The following MYH4 variants were observed in gnomAD, a reference collection of about 807,000 sequenced individuals.
The protein encoded by MYH4 is myosin-4.
Under a neutral mutation model 229.9 loss-of-function variants are expected in MYH4, and 200 were observed. That is an observed-to-expected ratio of 0.87 (90% CI 0.78 to 0.98). The LOEUF (loss-of-function observed/expected upper bound fraction) is 0.98, where lower values mean the gene tolerates loss of function less well. MYH4 is among the 50% of genes least tolerant of loss of function. The pLI, the probability that MYH4 is intolerant of heterozygous loss-of-function variation, is 0.00. For synonymous variants in MYH4, 761 were observed against 834.6 expected, an observed-to-expected ratio of 0.91 and a Z score of 1.52; for missense variants, 2,148 against 2,332.6, an observed-to-expected ratio of 0.92 and a Z score of 1.63.
At chr17:10,453,430 A>G in intron 23 of MYH4, 102 bp from the exon 24 acceptor site, 1 of 1,589,166 alleles carries the variant, frequency 6.3e-7, no homozygotes, top group Non-Finnish European at 8.6e-7. Flanking sequence ...GTAAGATGGA[A>G]AATGAGAACC....
chr17:10,456,962 A>C (rs1291585206), intron 16 of MYH4, among the ~76,000 whole-genome samples: 1 of 152,248 alleles, frequency 6.6e-6, no homozygotes, highest in African/African-American at 2.4e-5. Flanking sequence ...GCTCACCTGC[A>C]GGGAAATCCT....
chr17:10,468,258 G>A (rs2072787959), intron 2 of MYH4, among the ~76,000 whole-genome samples: 1 of 152,158 alleles, frequency 6.6e-6, no homozygotes, highest in Non-Finnish European at 1.5e-5. Context: ...CTATAATGCA[G>A]TGTATCCAGG....
At chr17:10,461,855 T>G (rs759648483) in intron 11 of MYH4, among the ~76,000 whole-genome samples, 2 of 152,184 alleles carry the variant, frequency 1.3e-5, no homozygotes, top group African/African-American at 4.8e-5. Flanking sequence ...CATTCTTACC[T>G]AAGACTCTTT....
chr17:10,445,207 G>A (rs368276685), intron 36 of MYH4, 30 bp downstream of exon 36: 30 of 1,614,044 alleles, frequency 1.9e-5, no homozygotes, highest in Non-Finnish European at 2.5e-5. Flanking sequence ...GCATGCATGT[G>A]TCAGTAAGAC....
chr17:10,456,338 A>G (rs2072637900), intron 17 of MYH4, 147 bp downstream of exon 17: 1 of 633,834 alleles, frequency 1.6e-6, no homozygotes, highest in Non-Finnish European at 2.6e-6. Context: ...CCATTTAAAA[A>G]GTTTACAAAA....
In MYH4 at chr17:10,444,991, C is replaced by T. The variant is rs968999719; in HGVS notation, c.5451G>A (p.Gln1817=). 3 of 1,614,140 alleles carry T rather than the reference C, an allele frequency of 1.9e-6. No homozygotes were observed. Among genetic ancestry groups the T allele is most frequent in the Non-Finnish European group, 1.7e-6 (2 of 1,180,010 alleles). Residue 1817 remains glutamine (Q), a synonymous_variant, in exon 37 of 40, where the codon CAG becomes CAA. Coordinates refer to ENST00000255381, the MANE Select transcript of MYH4 (RefSeq NM_017533.2). Reference sequence around the variant, plus strand: ...GGAGACCTACCCTGGCCTCCAGTTTCTGGATCTGCTTCTTCCCACCCTTCA... The same window carrying T: ...GGAGACCTACCCTGGCCTCCAGTTTTTGGATCTGCTTCTTCCCACCCTTCA... ...LALKGGKKQI[Q]KLEARVRELE...
At chr17:10,453,559 A>C in intron 23 of MYH4, 84 bp downstream of exon 23, 1 of 1,597,680 alleles carries the variant, frequency 6.3e-7, no homozygotes. Flanking sequence ...TTTTATATTC[A>C]ATCATCTTAA....
intron 35 of MYH4, among the ~76,000 whole-genome samples, chr17:10,446,280 T>C: frequency 6.6e-6 from 1 of 152,124 alleles, no homozygotes; most frequent in Non-Finnish European, 1.5e-5. Flanking sequence ...TAAAAGATAG[T>C]AGAACATACA....
chr17:10,452,039 G>A lies in MYH4; in HGVS notation c.3640C>T (p.Leu1214Phe). Residue 1214 changes from leucine to phenylalanine, a missense_variant, in exon 27 of 40, where the codon CTT becomes TTT. Coordinates refer to ENST00000255381, the MANE Select transcript of MYH4 (RefSeq NM_017533.2). ...VAELGEQIDS[L>F]QRVKQKLEKE... ...TCCAGCTTCTGCTTGACCCGCTGAA[G>A]GCTGTCAATCTGCTCCCCAAGCTCA... 3 of 1,613,834 alleles carry A rather than the reference G, an allele frequency of 1.9e-6. No individual in the cohort carries two copies. Among genetic ancestry groups the A allele is most frequent in the Non-Finnish European group, 2.5e-6 (3 of 1,179,924 alleles).
chr17:10,457,114 A>G (rs2072648310), intron 16 of MYH4, among the ~76,000 whole-genome samples: 1 of 152,232 alleles, frequency 6.6e-6, no homozygotes, highest in Non-Finnish European at 1.5e-5. Flanking sequence ...GAACCTTGAA[A>G]GAACCAATAC....
chr17:10,463,497 A>G, intron 8 of MYH4, 54 bp downstream of exon 8: 1 of 1,577,804 alleles, frequency 6.3e-7, no homozygotes, highest in Non-Finnish European at 8.7e-7. Context: ...TTGACACCAC[A>G]TGCACACAAG....
At position 10,462,909 on chromosome 17, in the gene MYH4, TA is replaced by T; in HGVS notation, c.963del (p.Thr322LeufsTer11). ...YDFAFVSQGE[I>X]TVPSIDDQEE... is the part of the protein sequence containing the mutation. ...TCCTGGTCATCAATGCTGGGCACAG[TA>T]ATTTCCCCTTGGCTGACAAATGCGA... On this transcript the variant is annotated frameshift_variant, in exon 11 of 40. Transcript: ENST00000255381. LOFTEE classifies it high-confidence loss of function. 1 of 1,614,138 alleles carries T rather than the reference TA, an allele frequency of 6.2e-7. No individual in the cohort carries two copies. Among genetic ancestry groups the T allele is most frequent in the Non-Finnish European group, 8.5e-7 (1 of 1,179,966 alleles).
chr17:10,454,895 C>T, intron 21 of MYH4, 46 bp downstream of exon 21: 1 of 1,611,382 alleles, frequency 6.2e-7, no homozygotes, highest in East Asian at 2.2e-5. Flanking sequence ...GCAGTGGATT[C>T]ATTTATGAAA....
rs759994794 is a variant in MYH4, at chr17:10,453,881, GCTT to G, written c.2693_2695del (p.Glu898del). 2.5e-6 allele frequency: 4 copies of G among 1,613,734 alleles called. No individual in the cohort carries two copies. The highest frequency in any genetic ancestry group is 3.4e-6 in the Non-Finnish European group (4 of 1,179,866). ...TTCCTCTGCATCAGCCAAGGCATCT[GCTT>G]CCTAAAGGGAGAAATTAAGCATTTT... On this transcript the variant is annotated inframe_deletion and splice_region_variant, in exon 23 of 40. Transcript: ENST00000255381.
At chr17:10,451,802 A>C (rs186345769) in intron 27 of MYH4, 139 bp downstream of exon 27, 3 of 1,094,310 alleles carry the variant, frequency 2.7e-6, no homozygotes, top group Admixed American at 5.0e-5. Context: ...GATTCAATAC[A>C]ATAATGTGTA....
rs2072653244 is a variant in MYH4, at chr17:10,457,421, T to G, written c.1896A>C (p.Ala632=). 6.3e-7 allele frequency: 1 copy of G among 1,597,862 alleles called. No homozygotes were observed. The highest frequency in any genetic ancestry group is 8.5e-7 in the Non-Finnish European group (1 of 1,170,956). The stretch of plus-strand genomic sequence containing the variant: ...CATATTAGTGCTATTAAACATGACC[T>G]GCTTCAGCAGTTTGTGCCCCAGAGA... ...FLFSGAQTAE[A]EGGGGKKGGK... The change falls in exon 16 of 40, where the codon GCA becomes GCC. Residue 632 remains alanine, a splice_region_variant and synonymous_variant. Transcript: ENST00000255381.
In MYH4 at chr17:10,447,020, T is replaced by G; in HGVS notation, c.5162A>C (p.His1721Pro). ...LDASERVQLL[H>P]TQNTSLINTK... ...CATAGTCTTGAACCTCACCTGAGTG[T>G]GCAGAAGTTGCACACGTTCACTGGC... The change falls in exon 35 of 40, where the codon CAC (histidine) becomes CCC (proline). Residue 1721 changes from histidine (H) to proline (P), a missense_variant. Coordinates refer to ENST00000255381, the MANE Select transcript of MYH4 (RefSeq NM_017533.2). 1 of 1,613,976 alleles carries G rather than the reference T, an allele frequency of 6.2e-7. No homozygotes were observed. Among genetic ancestry groups the G allele is most frequent in the Non-Finnish European group, 8.5e-7 (1 of 1,179,910 alleles).
chr17:10,447,794 C>A, intron 34 of MYH4, 24 bp downstream of exon 34: 2 of 1,583,100 alleles, frequency 1.3e-6, no homozygotes, highest in South Asian at 1.2e-5. Context: ...CTGTACAACA[C>A]TATGTGTATT....
intron 7 of MYH4, 63 bp downstream of exon 7, chr17:10,464,409 T>C (rs2072737823): frequency 7.4e-7 from 1 of 1,350,764 alleles, no homozygotes; most frequent in South Asian, 1.3e-5. Flanking sequence ...AGTCTACTGT[T>C]GATGTGCACG....
Sources: allele counts gnomAD v4.1 joint callset (sites outside exome capture counted in the v4.1 genomes callset), GRCh38; gene constraint gnomAD v4.1.1; transcripts MANE v1.5; gene names NCBI Gene and HGNC (gene_info 2026-07-23, HGNC 2026-07-21).